RCOR1: variants seen among roughly 807,000 people sequenced by gnomAD.
The protein encoded by RCOR1 is REST corepressor.
Under a neutral mutation model 64.0 loss-of-function variants are expected in RCOR1, and 12 were observed. That is an observed-to-expected ratio of 0.19 (90% CI 0.12 to 0.30). The LOEUF is 0.30. Among genes scored for constraint, RCOR1 ranks in the 10% least tolerant of loss-of-function variants. The probability of loss-of-function intolerance (pLI) is 1.00; values close to 1 mark genes in which losing one functional copy is unlikely to be tolerated. For missense variants in RCOR1, 502 were observed against 621.2 expected (o/e 0.81, Z 2.04); for synonymous variants, 279 against 227.2 (o/e 1.23, Z -2.05).
intron 2 of RCOR1, among the ~76,000 whole-genome samples, chr14:102,607,014 G>C (rs576665811): frequency 6.7e-6 from 1 of 148,502 alleles, no homozygotes; most frequent in East Asian, 2.0e-4. Context: ...GCTCACTGCA[G>C]CCTCTGCCTC....
chr14:102,688,737 ATCAT>A, intron 3 of RCOR1, among the ~76,000 whole-genome samples: 1 of 152,160 alleles, frequency 6.6e-6, no homozygotes, highest in Non-Finnish European at 1.5e-5. Flanking sequence ...GCACTGTTCC[ATCAT>A]TTACTCCACA....
In RCOR1 at chr14:102,648,948, G is replaced by GC. The variant is rs1894528107; in HGVS notation, c.362-32947_362-32946insC. On this transcript the variant is annotated intron_variant, in intron 2 of 11. Coordinates refer to ENST00000262241, the MANE Select transcript of RCOR1 (RefSeq NM_015156.4). ...TGAGTGAAGACAGGGCTCCAAAGGGGTGTTGTCAAGAAATAAACAACCAAT... is the reference window on the plus strand; with the variant it reads ...TGAGTGAAGACAGGGCTCCAAAGGGGCTGTTGTCAAGAAATAAACAACCAAT... 3.3e-5 allele frequency among the ~76,000 whole-genome samples: 5 copies of GC among 152,132 alleles called. No individual in the cohort carries two copies. The South Asian group carries it at 1.0e-3, about 32-fold the overall frequency.
At chr14:102,635,027 T>G (rs1894208128) in intron 2 of RCOR1, among the ~76,000 whole-genome samples, 1 of 151,132 alleles carries the variant, frequency 6.6e-6, no homozygotes, top group Non-Finnish European at 1.5e-5. Flanking sequence ...AGAGATGGAG[T>G]CTGGCTGTGT....
At chr14:102,700,059 G>A (rs1295647512) in intron 3 of RCOR1, among the ~76,000 whole-genome samples, 2 of 152,054 alleles carry the variant, frequency 1.3e-5, no homozygotes, top group African/African-American at 4.8e-5. Flanking sequence ...TATCTCTTAA[G>A]AATTTTTTAA....
At chr14:102,607,866 A>G (rs1893546052) in intron 2 of RCOR1, among the ~76,000 whole-genome samples, 1 of 149,012 alleles carries the variant, frequency 6.7e-6, no homozygotes, top group Non-Finnish European at 1.5e-5. Flanking sequence ...TGGGCAACAG[A>G]GCGAGACTCT....
At chr14:102,685,562 A>C (rs1895401285) in intron 3 of RCOR1, among the ~76,000 whole-genome samples, 1 of 151,526 alleles carries the variant, frequency 6.6e-6, no homozygotes, top group African/African-American at 2.4e-5. Context: ...GGCTCACTGC[A>C]ACCTCCACCT....
intron 2 of RCOR1, among the ~76,000 whole-genome samples, chr14:102,655,714 A>G (rs879303174): frequency 1.3e-5 from 2 of 152,056 alleles, no homozygotes; most frequent in Non-Finnish European, 2.9e-5. Flanking sequence ...GCACTTTGGG[A>G]GGCTGAGGCG....
intron 2 of RCOR1, among the ~76,000 whole-genome samples, chr14:102,651,405 T>G (rs576163879): frequency 6.6e-6 from 1 of 151,704 alleles, no homozygotes; most frequent in Non-Finnish European, 1.5e-5. Context: ...ATACAAAAAT[T>G]AGCTGGGCGT....
rs529860980 is a variant in RCOR1 at position 102,625,520 on chromosome 14, C to T, written c.361+32195C>T. ...AAAGTGCTGGGATTACAGGCATGAGCAACCGCGCCTGGCTTTTTTTTTTTT... is the reference window on the plus strand; with the variant it reads ...AAAGTGCTGGGATTACAGGCATGAGTAACCGCGCCTGGCTTTTTTTTTTTT... On this transcript the variant is annotated intron_variant, in intron 2 of 11. Transcript: ENST00000262241. Among the ~76,000 whole-genome samples, 176 of 151,162 alleles carry T rather than the reference C, an allele frequency of 1.2e-3. 1 individual carries two copies. Among genetic ancestry groups the T allele is most frequent in the Non-Finnish European group, 2.2e-3 (149 of 67,866 alleles).
At chr14:102,678,304 T>A (rs1895234034) in intron 2 of RCOR1, among the ~76,000 whole-genome samples, 1 of 151,504 alleles carries the variant, frequency 6.6e-6, no homozygotes, top group Non-Finnish European at 1.5e-5. Flanking sequence ...TGCTTTTTTT[T>A]GTTTGTTTGT....
chr14:102,631,835 C>T (rs1432639175), intron 2 of RCOR1, among the ~76,000 whole-genome samples: 2 of 152,088 alleles, frequency 1.3e-5, no homozygotes, highest in Admixed American at 6.5e-5. Flanking sequence ...GGGTCTCACT[C>T]TGTCGACCAG....
intron 8 of RCOR1, among the ~76,000 whole-genome samples, chr14:102,718,922 A>T (rs1465470552): frequency 6.6e-6 from 1 of 151,934 alleles, no homozygotes; most frequent in Non-Finnish European, 1.5e-5. Context: ...CTAAGTAGGT[A>T]GGACTGCAGG....
chr14:102,716,296 A>G (rs1208572883), intron 8 of RCOR1, among the ~76,000 whole-genome samples: 1 of 152,038 alleles, frequency 6.6e-6, no homozygotes, highest in Non-Finnish European at 1.5e-5. Flanking sequence ...GTTGTTTTCT[A>G]CAACTTGTAT....
intron 11 of RCOR1, 109 bp from the exon 12 acceptor site, chr14:102,726,359 C>A: frequency 1.1e-6 from 1 of 879,024 alleles, no homozygotes; most frequent in Non-Finnish European, 1.7e-6. Context: ...TCGGTGTTTG[C>A]TCTGCAGGTT....
intron 2 of RCOR1, among the ~76,000 whole-genome samples, chr14:102,603,119 G>A (rs906936839): frequency 1.2e-4 from 18 of 144,478 alleles, no homozygotes; most frequent in African/African-American, 3.9e-4. Context: ...TACTCTTGTC[G>A]CCCAGGCTGG....
intron 8 of RCOR1, among the ~76,000 whole-genome samples, chr14:102,718,488 TTC>T (rs1896111556): frequency 6.6e-6 from 1 of 152,194 alleles, no homozygotes; most frequent in South Asian, 2.1e-4. Flanking sequence ...CATCAGGTCT[TTC>T]TCTGAGTGGA....
At chr14:102,651,074 A>AC (rs1264477495) in intron 2 of RCOR1, 2 of 984,820 alleles carry the variant, frequency 2.0e-6, no homozygotes, top group Non-Finnish European at 2.4e-6. Flanking sequence ...GTTGCACAGT[A>AC]CATTGTTGAC....
chr14:102,718,255 A>C lies in RCOR1; in HGVS notation c.1054-2752A>C, dbSNP rs540196747. ...CTACTGGAGCCATTTTGCAACCCTC[A>C]CATCTGCATTCAGGGCAGTATGAAG... On this transcript the variant is annotated intron_variant, in intron 8 of 11. Transcript: ENST00000262241. Among the ~76,000 whole-genome samples the C allele has an allele frequency of 7.2e-5, 11 of 151,966 alleles. No homozygotes were observed. In the East Asian group the frequency reaches 1.6e-3, roughly 21 times the overall value.
intron 2 of RCOR1, among the ~76,000 whole-genome samples, chr14:102,617,983 T>C (rs201683007): frequency 1.4e-5 from 2 of 146,422 alleles, no homozygotes; most frequent in East Asian, 2.0e-4. Context: ...TTTTTTTTTT[T>C]TTTTTGTGAG....
Sources: allele counts gnomAD v4.1 joint callset (sites outside exome capture counted in the v4.1 genomes callset), GRCh38; gene constraint gnomAD v4.1.1; transcripts MANE v1.5; gene names NCBI Gene and HGNC (gene_info 2026-07-23, HGNC 2026-07-21).